Variants in SUPT3H observed in about 807,000 individuals in gnomAD.
SUPT3H encodes transcription initiation protein SPT3 homolog.
SUPT3H carries 44 observed loss-of-function variants against 44.3 expected under a neutral mutation model. The observed-to-expected ratio is 0.99, with a 90% CI of 0.78 to 1.28. SUPT3H has a LOEUF of 1.28. Ranked by LOEUF, SUPT3H falls within the 50% of genes most tolerant of loss-of-function variation. SUPT3H has a pLI of 0.00. For missense variants in SUPT3H, 380 were observed against 387.1 expected (o/e 0.98, Z 0.15); for synonymous variants, 124 against 125.6 (o/e 0.99, Z 0.09).
chr6:44,901,492 G>A (rs377396539), intron 10 of SUPT3H, among the ~76,000 whole-genome samples: 9 of 150,858 alleles, frequency 6.0e-5, no homozygotes, highest in South Asian at 2.1e-4. Context: ...AAAAAGAAAC[G>A]AACAAAGCCT....
chr6:45,022,913 C>G (rs1299719509), intron 3 of SUPT3H, among the ~76,000 whole-genome samples: 1 of 152,050 alleles, frequency 6.6e-6, no homozygotes, highest in African/African-American at 2.4e-5. Context: ...TATTTTCCAT[C>G]CATGTTTGGT....
intron 2 of SUPT3H, among the ~76,000 whole-genome samples, chr6:45,280,370 A>G (rs1777799341): frequency 6.6e-6 from 1 of 152,020 alleles, no homozygotes; most frequent in Non-Finnish European, 1.5e-5. Context: ...GCCAGGAAAC[A>G]TAGCACATGC....
At chr6:45,018,976 C>T (rs1193421377) in intron 4 of SUPT3H, among the ~76,000 whole-genome samples, 6 of 152,050 alleles carry the variant, frequency 3.9e-5, no homozygotes, top group Non-Finnish European at 8.8e-5. Flanking sequence ...CCATCTGGTC[C>T]TGGACTCTTT....
rs73735273 is a variant in SUPT3H at position 44,957,813 on chromosome 6, T to A, written c.581-3206A>T. On this transcript the variant is annotated intron_variant, in intron 7 of 10. Coordinates refer to ENST00000371459, the MANE Select transcript of SUPT3H (RefSeq NM_003599.4). ...GTATTTTTTAAATAAAAGAGTAGAGTCCAAACTTTTCTATTCATCAAAAGA... is the reference window on the plus strand; with the variant it reads ...GTATTTTTTAAATAAAAGAGTAGAGACCAAACTTTTCTATTCATCAAAAGA... Among the ~76,000 whole-genome samples, 1,319 of 151,702 alleles carry A rather than the reference T, an allele frequency of 8.7e-3. 24 individuals are homozygous for A. The highest frequency in any genetic ancestry group is 0.03 in the African/African-American group (1,242 of 41,362).
intron 4 of SUPT3H, among the ~76,000 whole-genome samples, chr6:45,017,940 A>G (rs1784547447): frequency 6.7e-6 from 1 of 149,774 alleles, no homozygotes; most frequent in Admixed American, 6.6e-5. Context: ...CTTGGGCAGT[A>G]TGGCCATTTT....
intron 2 of SUPT3H, among the ~76,000 whole-genome samples, chr6:45,149,545 T>C (rs1051052755): frequency 6.6e-6 from 1 of 152,132 alleles, no homozygotes; most frequent in Admixed American, 6.6e-5. Context: ...AATTTGTCAG[T>C]TGCAAAAACC....
At chr6:45,033,079 A>G (rs1787186296) in intron 3 of SUPT3H, among the ~76,000 whole-genome samples, 1 of 152,172 alleles carries the variant, frequency 6.6e-6, no homozygotes, top group Non-Finnish European at 1.5e-5. Flanking sequence ...ACCAAAACAA[A>G]AAAGCAAATA....
intron 2 of SUPT3H, among the ~76,000 whole-genome samples, chr6:45,109,092 C>CA: frequency 6.6e-6 from 1 of 151,938 alleles, no homozygotes; most frequent in Admixed American, 6.6e-5. Context: ...CAGGAATAGT[C>CA]AAAACACTTT....
intron 10 of SUPT3H, among the ~76,000 whole-genome samples, chr6:44,895,681 A>G (rs1764023242): frequency 6.6e-6 from 1 of 152,190 alleles, no homozygotes; most frequent in African/African-American, 2.4e-5. Flanking sequence ...GAATAACTGC[A>G]GTGAAGGGAA....
intron 2 of SUPT3H, among the ~76,000 whole-genome samples, chr6:45,281,471 T>C (rs979081943): frequency 7.9e-5 from 12 of 152,178 alleles, no homozygotes; most frequent in Middle Eastern, 3.2e-3. Context: ...GAGGGTCCTG[T>C]GCCCACAAAG....
At chr6:45,220,505 T>G (rs1765854974) in intron 2 of SUPT3H, among the ~76,000 whole-genome samples, 1 of 152,182 alleles carries the variant, frequency 6.6e-6, no homozygotes, top group Non-Finnish European at 1.5e-5. Context: ...CCTCTAAAAT[T>G]AGTAACAAGG....
At chr6:45,220,923 C>T (rs1765937485) in intron 2 of SUPT3H, among the ~76,000 whole-genome samples, 3 of 152,186 alleles carry the variant, frequency 2.0e-5, no homozygotes, top group South Asian at 4.1e-4. Flanking sequence ...CACATGCACA[C>T]GTATGTTTAC....
intron 7 of SUPT3H, among the ~76,000 whole-genome samples, chr6:44,955,917 G>A (rs763591369): frequency 4.6e-5 from 7 of 151,726 alleles, no homozygotes; most frequent in Middle Eastern, 6.9e-3. Flanking sequence ...TCAGGAGATC[G>A]AGACCATCCT....
At chr6:45,375,121 C>T (rs1796600508) in intron 1 of SUPT3H, among the ~76,000 whole-genome samples, 1 of 152,164 alleles carries the variant, frequency 6.6e-6, no homozygotes, top group Non-Finnish European at 1.5e-5. Flanking sequence ...GCAGGAGAAT[C>T]GCTTGAACCC....
chr6:45,136,209 A>C (rs1168902788), intron 2 of SUPT3H, among the ~76,000 whole-genome samples: 1 of 152,206 alleles, frequency 6.6e-6, no homozygotes, highest in African/African-American at 2.4e-5. Context: ...TAAGAAACAG[A>C]AGAAAAACCC....
intron 2 of SUPT3H, among the ~76,000 whole-genome samples, chr6:45,310,915 C>T (rs1783847514): frequency 6.6e-6 from 1 of 152,142 alleles, no homozygotes; most frequent in African/African-American, 2.4e-5. Flanking sequence ...AGCAATGGAT[C>T]CAAACCAAGA....
chr6:44,836,664 T>G (rs908351357), intron 10 of SUPT3H, among the ~76,000 whole-genome samples: 13 of 152,214 alleles, frequency 8.5e-5, no homozygotes, highest in African/African-American at 3.1e-4. Flanking sequence ...TAGATTAAAT[T>G]TAGTTATTAA....
chr6:45,068,978 AAAAAAAAAAAAAT>A (rs997086268), intron 3 of SUPT3H, among the ~76,000 whole-genome samples: 3 of 134,966 alleles, frequency 2.2e-5, no homozygotes, highest in Admixed American at 7.3e-5. Flanking sequence ...TTTACTTTGC[AAAAAAAAAAAAAT>A]AAAAAAAATA....
chr6:45,131,159 A>G (rs1232950925), intron 2 of SUPT3H, among the ~76,000 whole-genome samples: 1 of 152,152 alleles, frequency 6.6e-6, no homozygotes, highest in Non-Finnish European at 1.5e-5. Flanking sequence ...TCAGATGTAA[A>G]TATGGAATAC....
Sources: gnomAD v4.1 joint callset for allele counts (sites outside exome capture counted in the v4.1 genomes callset) on GRCh38, gnomAD v4.1.1 for gene constraint, MANE v1.5 for transcripts, NCBI Gene and HGNC (gene_info 2026-07-23, HGNC 2026-07-21) for gene names.